The following KIF26B variants were observed in gnomAD, a reference collection of about 807,000 sequenced individuals.
KIF26B encodes the protein kinesin-like protein KIF26B.
A neutral mutation model predicts 151.2 loss-of-function variants in KIF26B; 63 were observed. That is an observed-to-expected ratio of 0.42 (90% CI 0.34 to 0.51). KIF26B has a LOEUF of 0.51. Among genes scored for constraint, KIF26B ranks in the 20% least tolerant of loss-of-function variants. KIF26B has a pLI of 0.07. For synonymous variants in KIF26B, 1,357 were observed against 1,262.1 expected, an observed-to-expected ratio of 1.08 and a Z score of -1.59; for missense variants, 2,813 against 2,913.6, an observed-to-expected ratio of 0.97 and a Z score of 0.79.
chr1:245,657,533 T>A, intron 10 of KIF26B, among the ~76,000 whole-genome samples: 1 of 152,190 alleles, frequency 6.6e-6, no homozygotes, highest in East Asian at 1.9e-4. Context: ...CTTTAAAACC[T>A]TCAGTGGCTT....
chr1:245,633,185 AT>A (rs377265216), intron 9 of KIF26B, among the ~76,000 whole-genome samples: 183 of 150,142 alleles, frequency 1.2e-3, no homozygotes, highest in Non-Finnish European at 1.9e-3. Flanking sequence ...TTTGGTTTCT[AT>A]TTTCATGGAA....
intron 10 of KIF26B, among the ~76,000 whole-genome samples, chr1:245,679,034 C>T (rs1244884880): frequency 6.6e-6 from 1 of 152,006 alleles, no homozygotes; most frequent in African/African-American, 2.4e-5. Flanking sequence ...CTTGGTGGTT[C>T]AGTGTCTGGG....
intron 2 of KIF26B, among the ~76,000 whole-genome samples, chr1:245,362,364 TAAA>T (rs775148578): frequency 1.2e-4 from 10 of 82,564 alleles, no homozygotes; most frequent in East Asian, 7.2e-4. Flanking sequence ...CCGTCTCTAC[TAAA>T]AAAAAAAAAA....
intron 2 of KIF26B, among the ~76,000 whole-genome samples, chr1:245,357,206 A>G (rs1441309467): frequency 1.3e-5 from 2 of 152,226 alleles, no homozygotes; most frequent in Admixed American, 1.3e-4. Flanking sequence ...TTTTAAGCCG[A>G]GGACTGGCAG....
chr1:245,421,684 A>G (rs1185398539), intron 4 of KIF26B, among the ~76,000 whole-genome samples: 3 of 152,180 alleles, frequency 2.0e-5, no homozygotes, highest in Non-Finnish European at 4.4e-5. Context: ...AAGGCAACCC[A>G]GAAGATTTGA....
intron 5 of KIF26B, among the ~76,000 whole-genome samples, chr1:245,562,115 G>A (rs772631696): frequency 2.6e-5 from 4 of 151,902 alleles, no homozygotes; most frequent in Non-Finnish European, 5.9e-5. Context: ...TTGTCTCCGC[G>A]GTGGTGCTCA....
At chr1:245,246,158 T>C (rs1383088116) in intron 2 of KIF26B, among the ~76,000 whole-genome samples, 10 of 151,290 alleles carry the variant, frequency 6.6e-5, no homozygotes, top group Admixed American at 6.6e-4. Context: ...CTTGATCAAC[T>C]GTGGGTGGAC....
chr1:245,457,238 C>A (rs1659554153), intron 4 of KIF26B, among the ~76,000 whole-genome samples: 1 of 152,086 alleles, frequency 6.6e-6, no homozygotes. Flanking sequence ...GTTAGCAGAG[C>A]TAGTAGGAGA....
Position 245,516,295 on chromosome 1 carries a change from CT to C in KIF26B, c.1167-24471del. On this transcript the variant is annotated intron_variant, in intron 4 of 14. Coordinates refer to ENST00000407071, the MANE Select transcript of KIF26B (RefSeq NM_018012.4). The surrounding 1 kb of genome is among the most constrained non-coding windows in gnomAD (Gnocchi z 4.2). ...GAGTCTGTTTTTCCTTCAGAAAATGCTATTTGCAGAACGGCAACAACAAAAC... is the reference window on the plus strand; with the variant it reads ...GAGTCTGTTTTTCCTTCAGAAAATGCATTTGCAGAACGGCAACAACAAAAC... 6.6e-6 allele frequency among the ~76,000 whole-genome samples: 1 copy of C among 152,148 alleles called. No individual in the cohort carries two copies. The highest frequency in any genetic ancestry group is 1.5e-5 in the Non-Finnish European group (1 of 68,034).
At chr1:245,508,230 T>A (rs377223432) in intron 4 of KIF26B, among the ~76,000 whole-genome samples, 141 of 152,362 alleles carry the variant, frequency 9.3e-4, no homozygotes, top group African/African-American at 3.3e-3. Flanking sequence ...ATGATTAGTG[T>A]GATCCCTAAC....
In KIF26B at chr1:245,413,890, G is replaced by A. The variant is rs74986283; in HGVS notation, c.1000-5689G>A. ...AGCCGAATGGATCAGCATCCCAACC[G>A]TGGCTCCTCCTCCTACTAGCTGATT... On this transcript the variant is annotated intron_variant, in intron 3 of 14. Transcript: ENST00000407071. Among the ~76,000 whole-genome samples the A allele has an allele frequency of 7.1e-4, 108 of 152,266 alleles. 1 individual carries two copies. The highest frequency in any genetic ancestry group is 2.5e-3 in the African/African-American group (103 of 41,552).
intron 9 of KIF26B, among the ~76,000 whole-genome samples, chr1:245,623,964 T>A (rs534876246): frequency 2.0e-5 from 3 of 152,238 alleles, no homozygotes; most frequent in East Asian, 1.9e-4. Flanking sequence ...GGGAGGGACC[T>A]GGTGGGAGGT....
In KIF26B at chr1:245,259,276, G is replaced by A. The variant is rs372263499; in HGVS notation, c.465+102593G>A. On this transcript the variant is annotated intron_variant, in intron 2 of 14. Coordinates refer to ENST00000407071, the MANE Select transcript of KIF26B (RefSeq NM_018012.4). ...CCAACAGTGCCTGCCTAGGTGGTGC[G>A]GACTGAGGAATAGAGATGGAGTAAT... 1.2e-4 allele frequency among the ~76,000 whole-genome samples: 19 copies of A among 152,214 alleles called. No homozygotes were observed. The East Asian group carries it at 2.5e-3, about 20-fold the overall frequency.
chr1:245,471,704 A>G (rs755559972), intron 4 of KIF26B, among the ~76,000 whole-genome samples: 8 of 152,034 alleles, frequency 5.3e-5, no homozygotes, highest in South Asian at 2.1e-4. Flanking sequence ...ATATTAATCA[A>G]TTCATTCATT....
chr1:245,404,674 C>G (rs1435343557), intron 3 of KIF26B, among the ~76,000 whole-genome samples: 1 of 152,170 alleles, frequency 6.6e-6, no homozygotes, highest in East Asian at 1.9e-4. Context: ...AGGACACTGG[C>G]TGGAATGTTA....
At chr1:245,534,088 T>G (rs566398415) in intron 4 of KIF26B, among the ~76,000 whole-genome samples, 1 of 152,146 alleles carries the variant, frequency 6.6e-6, no homozygotes, top group South Asian at 2.1e-4. Flanking sequence ...AGACTGAGCT[T>G]ACTGGGACAT....
rs1365325290 is a variant in KIF26B at position 245,685,424 on chromosome 1, G to A, written c.2441G>A (p.Gly814Asp). Residue 814 changes from glycine (G) to aspartate (D), a missense_variant, in exon 12 of 15, where the codon GGC becomes GAC. Around this residue, in one of 3 missense-constraint regions of KIF26B, gnomAD observed 2,060 missense variants for 2,088.6 expected, o/e 0.99. Transcript: ENST00000407071. ...TCACAGTACACATCCAGCTCGTCCG[G>A]CGGGGAGAGCTCCTGCGAAGAAGGC... ...KKTKYTSSSS[G>D]GESSCEEGRM... 1 of 1,612,264 alleles carries A rather than the reference G, an allele frequency of 6.2e-7. No homozygotes were observed. The highest frequency in any genetic ancestry group is 1.3e-5 in the African/African-American group (1 of 74,912).
chr1:245,583,484 G>A (rs2043196601), intron 5 of KIF26B, among the ~76,000 whole-genome samples: 1 of 152,142 alleles, frequency 6.6e-6, no homozygotes, highest in Admixed American at 6.5e-5. Context: ...AGATACCCAA[G>A]CCTGACCTTG....
rs1469137088 is a variant in KIF26B at position 245,184,047 on chromosome 1, G to GT, written c.465+27366dup. On this transcript the variant is annotated intron_variant, in intron 2 of 14. Coordinates refer to ENST00000407071, the MANE Select transcript of KIF26B (RefSeq NM_018012.4). ...CCTGCAACAGGTATGGGTGGGAGTT[G>GT]TTGTTTTTTTTTTTTTTTTTTTGAG... Among the ~76,000 whole-genome samples the GT allele has an allele frequency of 9.7e-4, 9 of 9,246 alleles. 1 individual carries two copies. The highest frequency in any genetic ancestry group is 1.9e-3 in the Admixed American group (1 of 532). 6.1% of individuals were successfully genotyped at this position (9,246 alleles called of 152,430 possible).
Sources: allele counts gnomAD v4.1 joint callset (sites outside exome capture counted in the v4.1 genomes callset), GRCh38; gene constraint gnomAD v4.1.1; regional missense constraint gnomAD v4.1.1; non-coding constraint Gnocchi (gnomAD v3.1); transcripts MANE v1.5; gene names NCBI Gene and HGNC (gene_info 2026-07-23, HGNC 2026-07-21).